Variants in DLGAP4 observed in about 807,000 individuals in gnomAD.
DLGAP4 encodes the protein DLG associated protein 4.
In DLGAP4, 18 loss-of-function variants were observed where a neutral mutation model predicts 86.9. The observed-to-expected ratio is 0.21, with a 90% confidence interval of 0.14 to 0.31. DLGAP4 has a LOEUF of 0.31. DLGAP4 is among the 10% of genes least tolerant of loss of function. The pLI, the probability that DLGAP4 is intolerant of heterozygous loss-of-function variation, is 1.00. For synonymous variants in DLGAP4, 548 were observed against 574.3 expected (o/e 0.95, Z 0.65); for missense variants, 1,085 against 1,362.6 (o/e 0.80, Z 3.21).
At chr20:36,341,281 G>T (rs548980152) in intron 1 of DLGAP4, among the ~76,000 whole-genome samples, 1 of 152,300 alleles carries the variant, frequency 6.6e-6, no homozygotes, top group South Asian at 2.1e-4. Flanking sequence ...TGTGACCTTT[G>T]TCTTGACCCC....
intron 7 of DLGAP4, among the ~76,000 whole-genome samples, chr20:36,470,232 CCTT>C (rs2034601395): frequency 6.6e-6 from 1 of 152,162 alleles, no homozygotes; most frequent in African/African-American, 2.4e-5. Context: ...GCATTCAAAG[CCTT>C]CTTCAAATCC....
intron 2 of DLGAP4, among the ~76,000 whole-genome samples, chr20:36,430,651 A>AG (rs1259467018): frequency 2.1e-5 from 3 of 143,774 alleles, no homozygotes; most frequent in African/African-American, 7.6e-5. Flanking sequence ...CTTGTTGCAA[A>AG]AAAAAAAAAA....
intron 10 of DLGAP4, among the ~76,000 whole-genome samples, chr20:36,520,117 T>C (rs1694572094): frequency 1.3e-5 from 2 of 152,182 alleles, no homozygotes; most frequent in Admixed American, 6.6e-5. Context: ...AGTATCATTA[T>C]GGTTTTGATG....
intron 2 of DLGAP4, among the ~76,000 whole-genome samples, chr20:36,412,742 A>G (rs910741069): frequency 7.2e-5 from 11 of 152,216 alleles, no homozygotes; most frequent in Admixed American, 6.5e-5. Flanking sequence ...TTGGGAGTTC[A>G]TGTAACAACC....
At position 36,525,879 on chromosome 20, in the gene DLGAP4, C is replaced by G; in HGVS notation, c.2633C>G (p.Ala878Gly). 1 of 1,613,868 alleles carries G rather than the reference C, an allele frequency of 6.2e-7. No individual in the cohort carries two copies. Among genetic ancestry groups the G allele is most frequent in the Non-Finnish European group, 8.5e-7 (1 of 1,180,010 alleles). The stretch of plus-strand genomic sequence containing the variant: ...CCTGATGCCAACCCACGCCCCACAG[C>G]CCAGGACCTGGCAGGGTTCTGGGAC... ...LNPDANPRPT[A>G]QDLAGFWDLL... The change falls in exon 12 of 13, where the codon GCC becomes GGC. Residue 878 changes from alanine to glycine, a missense_variant. Coordinates refer to ENST00000339266, the MANE Select transcript of DLGAP4 (RefSeq NM_001365621.2).
intron 7 of DLGAP4, among the ~76,000 whole-genome samples, chr20:36,472,231 G>A (rs1199929251): frequency 1.3e-5 from 2 of 152,116 alleles, no homozygotes; most frequent in Non-Finnish European, 1.5e-5. Flanking sequence ...GCCAGGTGTG[G>A]TGGCTCATGC....
At chr20:36,340,106 C>A (rs192847266) in intron 1 of DLGAP4, among the ~76,000 whole-genome samples, 30 of 152,182 alleles carry the variant, frequency 2.0e-4, no homozygotes, top group Middle Eastern at 3.4e-3. Flanking sequence ...TTTTTGTTTT[C>A]CCCTCTGTGG....
rs545312655 is a variant in DLGAP4 at position 36,454,775 on chromosome 20, G to T, written c.1648+7838G>T. Among the ~76,000 whole-genome samples, 3 of 152,346 alleles carry T rather than the reference G, an allele frequency of 2.0e-5. No individual in the cohort carries two copies. The East Asian group carries it at 5.8e-4, about 29-fold the overall frequency. ...GGTGGGTTGATGTAGGGGAGCGGCA[G>T]TTATTGAGGCAGTGAGAGCCCCTCT... On this transcript the variant is annotated intron_variant, in intron 7 of 12. Coordinates refer to ENST00000339266, the MANE Select transcript of DLGAP4 (RefSeq NM_001365621.2).
chr20:36,460,385 A>G (rs1167467114), intron 7 of DLGAP4, among the ~76,000 whole-genome samples: 1 of 152,268 alleles, frequency 6.6e-6, no homozygotes, highest in Admixed American at 6.5e-5. Context: ...TGCTTAGCAC[A>G]GTGCCTGGAT....
At chr20:36,499,556 C>T in intron 8 of DLGAP4, 32 bp from the exon 9 acceptor site, 1 of 1,604,762 alleles carries the variant, frequency 6.2e-7, no homozygotes, top group Non-Finnish European at 8.5e-7. Flanking sequence ...GTCTTTGTCT[C>T]CGTGCCGTTG....
chr20:36,456,508 T>A (rs1288256357), intron 7 of DLGAP4, among the ~76,000 whole-genome samples: 1 of 152,122 alleles, frequency 6.6e-6, no homozygotes, highest in Non-Finnish European at 1.5e-5. Flanking sequence ...GGTCAGAGAA[T>A]AATGGGAGGA....
In DLGAP4 at chr20:36,431,757, G is replaced by C. The variant is rs575670266; in HGVS notation, c.40G>C (p.Asp14His). 6.2e-7 allele frequency: 1 copy of C among 1,605,546 alleles called. No individual in the cohort carries two copies. The highest frequency in any genetic ancestry group is 8.5e-7 in the Non-Finnish European group (1 of 1,174,718). ...LGDSRPRHLS[D>H]SLDPPHEPLF... ...TGACAGCCGCCCCCGCCACCTCTCC[G>C]ACAGCCTAGACCCACCCCACGAGCC... The change falls in exon 3 of 13, where the codon GAC (aspartate) becomes CAC (histidine). Residue 14 changes from aspartate (D) to histidine (H), a missense_variant. Asp to His is a moderately conservative substitution (Grantham distance 81). Transcript: ENST00000339266. The surrounding 1 kb of genome is among the most constrained non-coding windows in gnomAD (Gnocchi z 5.1).
chr20:36,519,969 T>C (rs1198306739), intron 10 of DLGAP4, among the ~76,000 whole-genome samples: 1 of 152,028 alleles, frequency 6.6e-6, no homozygotes, highest in East Asian at 1.9e-4. Flanking sequence ...TTTTTTTTTT[T>C]TCTTTTGGTA....
rs267605912 is a variant in DLGAP4 at position 36,431,978 on chromosome 20, C to A, written c.261C>A (p.Pro87=). 1.9e-6 allele frequency: 3 copies of A among 1,614,252 alleles called. No individual in the cohort carries two copies. Among genetic ancestry groups the A allele is most frequent in the Non-Finnish European group, 2.5e-6 (3 of 1,180,046 alleles). ...ACTTCGAGGTGCCAGAGGAGAGCCCCTTCCCCAGCCATGCCCAAGCCACCA... is the reference window on the plus strand; with the variant it reads ...ACTTCGAGGTGCCAGAGGAGAGCCCATTCCCCAGCCATGCCCAAGCCACCA... The part of the protein sequence containing the change: ...NSHFEVPEES[P]FPSHAQATKI... Residue 87 remains proline, a synonymous_variant, in exon 3 of 13, where the codon CCC becomes CCA. Coordinates refer to ENST00000339266, the MANE Select transcript of DLGAP4 (RefSeq NM_001365621.2). The surrounding 1 kb of genome is among the most constrained non-coding windows in gnomAD (Gnocchi z 5.1).
intron 2 of DLGAP4, among the ~76,000 whole-genome samples, chr20:36,377,768 C>T (rs1194168162): frequency 2.0e-5 from 3 of 152,200 alleles, no homozygotes; most frequent in Non-Finnish European, 4.4e-5. Context: ...GGATGCCATC[C>T]GCCTCCCATA....
chr20:36,375,422 C>T (rs530879306), intron 2 of DLGAP4, among the ~76,000 whole-genome samples: 1 of 152,280 alleles, frequency 6.6e-6, no homozygotes, highest in South Asian at 2.1e-4. Context: ...TGCCCCATGG[C>T]CTTCATTTAG....
At chr20:36,319,906 G>A (rs554453276) in intron 1 of DLGAP4, among the ~76,000 whole-genome samples, 8 of 152,144 alleles carry the variant, frequency 5.3e-5, no homozygotes, top group South Asian at 2.1e-4. Flanking sequence ...GCAAGGTAGC[G>A]GGGAGAGTCT....
At chr20:36,426,425 G>C (rs374986663) in intron 2 of DLGAP4, among the ~76,000 whole-genome samples, 26 of 152,178 alleles carry the variant, frequency 1.7e-4, no homozygotes, top group African/African-American at 5.8e-4. Context: ...TGAGGCACGA[G>C]AATCGCTTGA....
chr20:36,448,978 A>G (rs1033402702), intron 7 of DLGAP4, among the ~76,000 whole-genome samples: 1 of 151,866 alleles, frequency 6.6e-6, no homozygotes, highest in Non-Finnish European at 1.5e-5. Flanking sequence ...GTAGGAAGAG[A>G]GGCACTGCTT....
Sources: allele counts gnomAD v4.1 joint callset (sites outside exome capture counted in the v4.1 genomes callset), GRCh38; gene constraint gnomAD v4.1.1; non-coding constraint Gnocchi (gnomAD v3.1); transcripts MANE v1.5; gene names NCBI Gene and HGNC (gene_info 2026-07-23, HGNC 2026-07-21).